The following RADX variants were observed in gnomAD, a reference collection of about 807,000 sequenced individuals.
RADX encodes RPA1 related single stranded DNA binding protein, X-linked, also known as RPA-related protein RADX.
In RADX, 36 loss-of-function variants were observed where a neutral mutation model predicts 61.6. The observed-to-expected ratio is 0.58, with a 90% CI of 0.45 to 0.77. The LOEUF (loss-of-function observed/expected upper bound fraction) is 0.77. RADX is among the 30% of genes least tolerant of loss of function. The probability of loss-of-function intolerance (pLI) is 0.00; values close to 1 mark genes in which losing one functional copy is unlikely to be tolerated. For missense variants in RADX, 497 were observed against 651.1 expected (o/e 0.76, Z 2.58); for synonymous variants, 272 against 237.9 (o/e 1.14, Z -1.32).
intron 11 of RADX, among the ~76,000 whole-genome samples, chrX:106,650,352 T>C (rs1159219225): frequency 9.0e-6 from 1 of 110,666 alleles, no homozygotes; most frequent in Non-Finnish European, 1.9e-5. Flanking sequence ...ACAAAGGCAG[T>C]TGTGAAACTT....
chrX:106,658,846 A>T (rs1928014332), intron 11 of RADX, among the ~76,000 whole-genome samples: 1 of 111,896 alleles, frequency 8.9e-6, no homozygotes, highest in South Asian at 3.7e-4. Context: ...ACAAGGCATT[A>T]CAGGTAGCCT....
chrX:106,637,992 A>G (rs759748955), intron 8 of RADX, 68 bp downstream of exon 8: 56 of 891,505 alleles, frequency 6.3e-5, no homozygotes, highest in East Asian at 5.7e-4. Flanking sequence ...TGCTATTTCA[A>G]TTAGTCATCT....
chrX:106,648,713 G>T (rs1318502819), intron 11 of RADX, among the ~76,000 whole-genome samples: 2 of 111,023 alleles, frequency 1.8e-5, no homozygotes, highest in Non-Finnish European at 3.8e-5. Context: ...AAAGTAAATT[G>T]TATCTTCTTT....
intron 1 of RADX, among the ~76,000 whole-genome samples, chrX:106,621,027 G>T (rs1926930476): frequency 8.9e-6 from 1 of 111,884 alleles, no homozygotes; most frequent in Admixed American, 9.5e-5. Flanking sequence ...TTAGAACTCT[G>T]CTTTTACAAA....
At chrX:106,617,923 T>C (rs1196904952) in intron 1 of RADX, among the ~76,000 whole-genome samples, 4 of 111,208 alleles carry the variant, frequency 3.6e-5, no homozygotes, top group Non-Finnish European at 7.5e-5. Context: ...AGAAAAAAAA[T>C]TTATGCAGAA....
chrX:106,633,292 A>G (rs1927281373), intron 6 of RADX, 40 bp downstream of exon 6: 9 of 1,116,113 alleles, frequency 8.1e-6, no homozygotes, highest in African/African-American at 7.2e-5. Flanking sequence ...GTTTGGAAGT[A>G]GGAGAATTAA....
rs1258425090 is a variant in RADX, at chrX:106,612,249, C to T, written c.169C>T (p.Pro57Ser). The T allele has an allele frequency of 1.1e-5, 13 of 1,209,219 alleles. No individual in the cohort carries two copies. In the Admixed American group the frequency reaches 2.8e-4, roughly 26 times the overall value. ...GGTTCTTGAGCAGATTATGGACTCA[C>T]CTCGCCAGTGTGTCACCCCCTCGGA... ...QKVLEQIMDS[P>S]RQCVTPSEVV... is the part of the protein sequence containing the mutation. Residue 57 changes from proline to serine, a missense_variant, in exon 1 of 14, where the codon CCT becomes TCT. Around this residue, in one of 3 missense-constraint regions of RADX, gnomAD observed 196 missense variants for 315.0 expected, o/e 0.62. Coordinates refer to ENST00000372548, the MANE Select transcript of RADX (RefSeq NM_018015.6).
intron 6 of RADX, among the ~76,000 whole-genome samples, chrX:106,634,709 G>T (rs1482154728): frequency 9.0e-6 from 1 of 111,669 alleles, no homozygotes; most frequent in Non-Finnish European, 1.9e-5. Context: ...AGGTGAGTGG[G>T]CTATTAACTC....
At position 106,639,599 on chromosome X, in the gene RADX, G is replaced by A; in HGVS notation, c.1646G>A (p.Arg549His). The A allele has an allele frequency of 1.0e-5, 12 of 1,203,547 alleles. No homozygotes were observed. Among genetic ancestry groups the A allele is most frequent in the Non-Finnish European group, 1.3e-5 (12 of 890,138 alleles). Residue 549 changes from arginine to histidine, a missense_variant, in exon 9 of 14, where the codon CGC (arginine) becomes CAC (histidine). Around this residue, in one of 3 missense-constraint regions of RADX, gnomAD observed 267 missense variants for 306.9 expected, o/e 0.87. Coordinates refer to ENST00000372548, the MANE Select transcript of RADX (RefSeq NM_018015.6). ...GACTTGCAGTATAGGGAACAAAAGC[G>A]CATTGCAATTCAGGGGATAATTACT... is the stretch of plus-strand genomic sequence containing the variant. ...IEDLQYREQK[R>H]IAIQGIITAI...
intron 11 of RADX, among the ~76,000 whole-genome samples, chrX:106,654,650 C>T (rs1927891515): frequency 9.0e-6 from 1 of 111,077 alleles, no homozygotes; most frequent in Non-Finnish European, 1.9e-5. Context: ...CCATAAAAAC[C>T]CTAGAAAAAA....
At chrX:106,630,838 T>G (rs1233054377) in intron 3 of RADX, among the ~76,000 whole-genome samples, 1 of 111,194 alleles carries the variant, frequency 9.0e-6, no homozygotes, top group Non-Finnish European at 1.9e-5. Context: ...CAAAATAATC[T>G]GTACAACAAA....
intron 3 of RADX, among the ~76,000 whole-genome samples, chrX:106,627,026 A>T (rs1258962208): frequency 1.8e-5 from 2 of 112,341 alleles, no homozygotes; most frequent in African/African-American, 6.5e-5. Flanking sequence ...ATATGGCAAT[A>T]TTCCAATAAA....
chrX:106,664,761 C>T (rs1236226672), intron 12 of RADX, among the ~76,000 whole-genome samples: 1 of 109,196 alleles, frequency 9.2e-6, no homozygotes, highest in Non-Finnish European at 1.9e-5. Context: ...ATTCCTACTT[C>T]TTAGAATTCT....
chrX:106,654,051 C>T (rs1043929205), intron 11 of RADX, among the ~76,000 whole-genome samples: 6 of 111,519 alleles, frequency 5.4e-5, no homozygotes, highest in Admixed American at 9.5e-5. Flanking sequence ...AGTATATACC[C>T]AGTAATGGGA....
intron 8 of RADX, chrX:106,638,483 C>G (rs1232828089): frequency 9.0e-6 from 1 of 110,656 alleles, no homozygotes; most frequent in Non-Finnish European, 1.9e-5. Context: ...GGGATGGTCT[C>G]GATCTCCTGA....
intron 11 of RADX, among the ~76,000 whole-genome samples, chrX:106,651,939 G>A (rs1009308342): frequency 4.5e-5 from 5 of 110,388 alleles, no homozygotes; most frequent in Admixed American, 1.9e-4. Flanking sequence ...TCCTGCACTT[G>A]GGGAGTCTGA....
At chrX:106,652,146 A>G (rs1927808594) in intron 11 of RADX, among the ~76,000 whole-genome samples, 1 of 111,430 alleles carries the variant, frequency 9.0e-6, no homozygotes, top group African/African-American at 3.3e-5. Flanking sequence ...GTTACATGCT[A>G]CATATAAGAG....
chrX:106,656,100 A>G (rs890451606), intron 11 of RADX, among the ~76,000 whole-genome samples: 7 of 112,155 alleles, frequency 6.2e-5, no homozygotes, highest in African/African-American at 2.3e-4. Context: ...TGCTAAGCTT[A>G]TGTAATATTC....
At chrX:106,638,818 T>C (rs1288579743) in intron 8 of RADX, 1 of 79,330 alleles carries the variant, frequency 1.3e-5, no homozygotes, top group African/African-American at 4.6e-5. Context: ...TATGATGTTA[T>C]ACAGAAAGAC....
Sources: gnomAD v4.1 joint callset for allele counts (sites outside exome capture counted in the v4.1 genomes callset) on GRCh38, gnomAD v4.1.1 for gene constraint, gnomAD v4.1.1 regional missense constraint, MANE v1.5 for transcripts, NCBI Gene and HGNC (gene_info 2026-07-23, HGNC 2026-07-21) for gene names.